PAN3: variants seen among roughly 807,000 people sequenced by gnomAD.
The protein encoded by PAN3 is poly(A) specific ribonuclease subunit PAN3.
PAN3 carries 19 observed loss-of-function variants against 96.2 expected under a neutral mutation model. That is an observed-to-expected ratio of 0.20 (90% CI 0.14 to 0.29). The LOEUF is 0.29. Among genes scored for constraint, PAN3 ranks in the 10% least tolerant of loss-of-function variants. PAN3 has a pLI of 1.00. For missense variants in PAN3, 882 were observed against 1,108.1 expected, an observed-to-expected ratio of 0.80 and a Z score of 2.90; for synonymous variants, 433 against 406.6, an observed-to-expected ratio of 1.06 and a Z score of -0.78.
chr13:28,151,680 A>C (rs2137971625), intron 1 of PAN3, among the ~76,000 whole-genome samples: 2 of 152,304 alleles, frequency 1.3e-5, no homozygotes, highest in South Asian at 4.1e-4. Context: ...GAGCCAATAT[A>C]ATTTCACTTG....
At chr13:28,283,357 A>T (rs1458847767) in intron 17 of PAN3, among the ~76,000 whole-genome samples, 2 of 152,156 alleles carry the variant, frequency 1.3e-5, no homozygotes, top group Non-Finnish European at 2.9e-5. Context: ...CCAGGAAATT[A>T]TTCTTATTAA....
At chr13:28,169,483 G>A (rs10161915) in intron 1 of PAN3, among the ~76,000 whole-genome samples, 1 of 151,330 alleles carries the variant, frequency 6.6e-6, no homozygotes, top group Admixed American at 6.6e-5. Context: ...TGCCCACCTC[G>A]GCCTCCCAAA....
chr13:28,288,380 A>T (rs1000599643), intron 18 of PAN3, among the ~76,000 whole-genome samples: 2 of 152,048 alleles, frequency 1.3e-5, no homozygotes, highest in African/African-American at 2.4e-5. Context: ...GCTCACTGCA[A>T]CCTCTGCCTC....
At chr13:28,291,714 C>G (rs1488794297) in intron 18 of PAN3, among the ~76,000 whole-genome samples, 2 of 152,002 alleles carry the variant, frequency 1.3e-5, no homozygotes, top group Non-Finnish European at 2.9e-5. Context: ...GCCTATAATC[C>G]CAGCTACTCG....
intron 17 of PAN3, 105 bp downstream of exon 17, chr13:28,281,484 A>G: frequency 3.9e-6 from 4 of 1,022,682 alleles, no homozygotes; most frequent in Non-Finnish European, 4.3e-6. Flanking sequence ...AAAAATTCTC[A>G]TGTGAAGTGA....
At chr13:28,271,570 C>T (rs1886629540) in intron 13 of PAN3, among the ~76,000 whole-genome samples, 1 of 151,960 alleles carries the variant, frequency 6.6e-6, no homozygotes, top group South Asian at 2.1e-4. Flanking sequence ...TATGAGGTAC[C>T]CCTCATAAAG....
At chr13:28,139,714 A>T (rs1022267738) in intron 1 of PAN3, among the ~76,000 whole-genome samples, 2 of 152,024 alleles carry the variant, frequency 1.3e-5, no homozygotes, top group African/African-American at 4.8e-5. Context: ...CTCAGGTTTA[A>T]TCGAGAGTTT....
intron 17 of PAN3, among the ~76,000 whole-genome samples, chr13:28,287,639 A>T (rs1347596734): frequency 6.6e-6 from 1 of 152,236 alleles, no homozygotes; most frequent in Admixed American, 6.5e-5. Flanking sequence ...GATGTACCTG[A>T]CCTTTCTCTA....
intron 3 of PAN3, 44 bp from the exon 4 acceptor site, chr13:28,177,821 T>C (rs1444795669): frequency 5.3e-6 from 8 of 1,504,854 alleles, no homozygotes; most frequent in Admixed American, 1.7e-5. Flanking sequence ...ATTTGCGGGT[T>C]ACCCAAGTTT....
chr13:28,202,684 G>C (rs775006312), intron 5 of PAN3, among the ~76,000 whole-genome samples: 13 of 150,858 alleles, frequency 8.6e-5, no homozygotes, highest in Non-Finnish European at 1.9e-4. Context: ...CACACAATTT[G>C]TTTAACTTAC....
chr13:28,214,272 T>A (rs1403416483), intron 5 of PAN3, among the ~76,000 whole-genome samples: 1 of 152,226 alleles, frequency 6.6e-6, no homozygotes, highest in African/African-American at 2.4e-5. Flanking sequence ...TGTGTACAAA[T>A]CTTCACAGCA....
chr13:28,219,445 G>T (rs1490012941), intron 5 of PAN3, among the ~76,000 whole-genome samples: 1 of 151,946 alleles, frequency 6.6e-6, no homozygotes, highest in East Asian at 1.9e-4. Flanking sequence ...AATTAAATAG[G>T]GAAGTTGTTC....
chr13:28,207,652 G>A (rs1375489370), intron 5 of PAN3, among the ~76,000 whole-genome samples: 4 of 152,062 alleles, frequency 2.6e-5, no homozygotes, highest in Admixed American at 2.0e-4. Context: ...TCATACATAC[G>A]GTCTTATGGC....
intron 18 of PAN3, 31 bp from the exon 19 acceptor site, chr13:28,292,351 A>G: frequency 6.6e-7 from 1 of 1,518,092 alleles, no homozygotes; most frequent in Non-Finnish European, 8.8e-7. Flanking sequence ...GCATGTTATG[A>G]ATTTCATATT....
intron 18 of PAN3, among the ~76,000 whole-genome samples, chr13:28,289,373 C>CT (rs1231595976): frequency 1.3e-5 from 2 of 152,082 alleles, no homozygotes; most frequent in African/African-American, 4.8e-5. Context: ...CCCAGGGCTG[C>CT]AGTGGTCCTC....
chr13:28,170,511 AAG>A (rs1874164134), intron 1 of PAN3, among the ~76,000 whole-genome samples: 1 of 152,040 alleles, frequency 6.6e-6, no homozygotes, highest in Non-Finnish European at 1.5e-5. Flanking sequence ...AAAATGTGAA[AAG>A]AGAAAATTGG....
intron 7 of PAN3, among the ~76,000 whole-genome samples, chr13:28,258,902 T>C (rs146536959): frequency 6.6e-6 from 1 of 152,364 alleles, no homozygotes; most frequent in Non-Finnish European, 1.5e-5. Context: ...GTATAAGTGC[T>C]TTGTGAATAG....
chr13:28,184,229 AT>A (rs1409634887), intron 4 of PAN3, among the ~76,000 whole-genome samples: 1 of 152,046 alleles, frequency 6.6e-6, no homozygotes, highest in Non-Finnish European at 1.5e-5. Flanking sequence ...ATGAATGATG[AT>A]TTTCCGTATT....
Position 28,270,882 on chromosome 13 carries a change from G to A in PAN3, c.1958+16G>A. 1.2e-6 allele frequency: 2 copies of A among 1,609,646 alleles called. No individual in the cohort carries two copies. Among genetic ancestry groups the A allele is most frequent in the African/African-American group, 1.3e-5 (1 of 74,890 alleles). On this transcript the variant is annotated intron_variant, in intron 13 of 18. Coordinates refer to ENST00000380958, the MANE Select transcript of PAN3 (RefSeq NM_175854.8). The stretch of plus-strand genomic sequence containing the variant: ...GCAAAACAAGGTACTAGCATTTTGA[G>A]TTTTGGTTTCTTTTATTGAGCGTCT...
Sources: allele counts gnomAD v4.1 joint callset (sites outside exome capture counted in the v4.1 genomes callset), GRCh38; gene constraint gnomAD v4.1.1; transcripts MANE v1.5; gene names NCBI Gene and HGNC (gene_info 2026-07-23, HGNC 2026-07-21).